FAM135B: variants seen among roughly 807,000 people sequenced by gnomAD.
The protein encoded by FAM135B is protein FAM135B.
Under a neutral mutation model 127.7 loss-of-function variants are expected in FAM135B, and 43 were observed. The observed-to-expected ratio is 0.34, with a 90% CI of 0.26 to 0.43. FAM135B has a LOEUF of 0.43. FAM135B is among the 20% of genes least tolerant of loss of function. FAM135B has a pLI of 1.00. For synonymous variants in FAM135B, 670 were observed against 665.1 expected, an observed-to-expected ratio of 1.01 and a Z score of -0.11; for missense variants, 1,558 against 1,725.6, an observed-to-expected ratio of 0.90 and a Z score of 1.72.
rs553901929 is a variant in FAM135B, at chr8:138,188,431, C to T, written c.873+6827G>A. On this transcript the variant is annotated intron_variant, in intron 9 of 19. Coordinates refer to ENST00000395297, the MANE Select transcript of FAM135B (RefSeq NM_015912.4). ...AGACAGGATTGAGTTTGAATTGGAT[C>T]ACTGGACATCCAGCTCATGTCAGAG... Among the ~76,000 whole-genome samples the T allele has an allele frequency of 1.5e-4, 23 of 152,290 alleles. 1 individual carries two copies. The highest frequency in any genetic ancestry group is 5.5e-4 in the African/African-American group (23 of 41,552).
chr8:138,142,134 C>T (rs1202791435), intron 16 of FAM135B, among the ~76,000 whole-genome samples: 2 of 151,880 alleles, frequency 1.3e-5, no homozygotes, highest in African/African-American at 4.8e-5. Context: ...TAATGTATAT[C>T]AAGGGATTAG....
At chr8:138,344,831 TC>T (rs1201751872) in intron 2 of FAM135B, among the ~76,000 whole-genome samples, 2 of 152,164 alleles carry the variant, frequency 1.3e-5, no homozygotes, top group Non-Finnish European at 2.9e-5. Flanking sequence ...TGCCTCGGAC[TC>T]CCAAAGTGCT....
At chr8:138,220,564 T>A (rs1014485245) in intron 7 of FAM135B, among the ~76,000 whole-genome samples, 3 of 152,112 alleles carry the variant, frequency 2.0e-5, no homozygotes, top group Non-Finnish European at 4.4e-5. Context: ...TTCATTTAAA[T>A]GAGTAAATAA....
chr8:138,342,563 GGA>G (rs1295525488), intron 2 of FAM135B, among the ~76,000 whole-genome samples: 1 of 152,142 alleles, frequency 6.6e-6, no homozygotes, highest in East Asian at 1.9e-4. Flanking sequence ...TAGACCCCTG[GGA>G]GAGAGGAGGA....
chr8:138,327,003 A>C (rs1173854513), intron 2 of FAM135B, among the ~76,000 whole-genome samples: 1 of 152,250 alleles, frequency 6.6e-6, no homozygotes, highest in Non-Finnish European at 1.5e-5. Flanking sequence ...GCTAGATCTC[A>C]TGACTGCTAA....
chr8:138,345,757 C>T (rs757480322), intron 2 of FAM135B, among the ~76,000 whole-genome samples: 4 of 152,196 alleles, frequency 2.6e-5, no homozygotes, highest in African/African-American at 4.8e-5. Flanking sequence ...TTCCTGAATT[C>T]GCCAAAGGAA....
chr8:138,140,532 T>A (rs1334574998), intron 17 of FAM135B, among the ~76,000 whole-genome samples: 2 of 152,206 alleles, frequency 1.3e-5, no homozygotes, highest in Non-Finnish European at 2.9e-5. Flanking sequence ...AAGTCTAACA[T>A]ATTCTGGAGT....
intron 1 of FAM135B, among the ~76,000 whole-genome samples, chr8:138,384,036 C>A (rs1177851444): frequency 1.3e-5 from 2 of 152,232 alleles, no homozygotes; most frequent in Non-Finnish European, 2.9e-5. Context: ...ATTGTCTATA[C>A]AGCCAATGTG....
intron 11 of FAM135B, among the ~76,000 whole-genome samples, chr8:138,175,360 T>C (rs1814355147): frequency 6.6e-6 from 1 of 151,846 alleles, no homozygotes; most frequent in South Asian, 2.1e-4. Context: ...TATCAGAATC[T>C]TTATGACAAC....
chr8:138,166,525 G>A (rs1819941387), intron 12 of FAM135B, among the ~76,000 whole-genome samples: 1 of 152,158 alleles, frequency 6.6e-6, no homozygotes, highest in Admixed American at 6.5e-5. Context: ...TCAGTAGGTT[G>A]CTGGAAACAC....
At chr8:138,197,324 T>C (rs1008313132) in intron 8 of FAM135B, among the ~76,000 whole-genome samples, 192 bp downstream of exon 8, 1 of 152,184 alleles carries the variant, frequency 6.6e-6, no homozygotes, top group Non-Finnish European at 1.5e-5. Context: ...TTGAGGAACA[T>C]GTGTCTTCTC....
intron 1 of FAM135B, chr8:138,477,511 G>A (rs1380001742): frequency 6.6e-6 from 1 of 152,138 alleles, no homozygotes; most frequent in African/African-American, 2.4e-5. Flanking sequence ...TGAGCTGCTT[G>A]ATCGTCATGG....
chr8:138,203,421 T>C (rs550671818), intron 7 of FAM135B, among the ~76,000 whole-genome samples: 5 of 152,212 alleles, frequency 3.3e-5, no homozygotes, highest in African/African-American at 7.2e-5. Flanking sequence ...CAGAACGTCT[T>C]GATGGTTCTA....
chr8:138,351,447 C>T (rs1829776882), intron 2 of FAM135B, among the ~76,000 whole-genome samples: 1 of 152,020 alleles, frequency 6.6e-6, no homozygotes, highest in Admixed American at 6.6e-5. Flanking sequence ...CACTGAAAAG[C>T]CAAGGCACAT....
chr8:138,411,013 T>C (rs1481252592), intron 1 of FAM135B, among the ~76,000 whole-genome samples: 1 of 131,392 alleles, frequency 7.6e-6, no homozygotes, highest in East Asian at 2.1e-4. Context: ...TGGAAGAACA[T>C]TCCATGCTCA....
chr8:138,406,927 A>G (rs1366680055), intron 1 of FAM135B, among the ~76,000 whole-genome samples: 1 of 151,562 alleles, frequency 6.6e-6, no homozygotes, highest in Non-Finnish European at 1.5e-5. Context: ...AGGCAGAAGG[A>G]AATAAAGGGT....
chr8:138,141,088 G>A lies in FAM135B; in HGVS notation c.3790+110C>T, dbSNP rs1817099645. 9.2e-7 allele frequency: 1 copy of A among 1,082,406 alleles called. No individual in the cohort carries two copies. Among genetic ancestry groups the A allele is most frequent in the East Asian group, 2.5e-5 (1 of 39,342 alleles). The allele number at this position is 1,082,406 out of a possible 1,614,324, so 67.1% of individuals were successfully genotyped here. On this transcript the variant is annotated intron_variant, in intron 17 of 19. Coordinates refer to ENST00000395297, the MANE Select transcript of FAM135B (RefSeq NM_015912.4). This position sits in a 1 kb window ranked among gnomAD's most constrained non-coding sequence, Gnocchi z 4.7. Reference sequence around the variant, plus strand: ...GACTCCTCCCTCCATGCCATGCTTGGAAAAGACTGCACAGTCACAGGGTTC... The same window carrying A: ...GACTCCTCCCTCCATGCCATGCTTGAAAAAGACTGCACAGTCACAGGGTTC...
chr8:138,211,330 TTAC>T (rs944075927), intron 7 of FAM135B, among the ~76,000 whole-genome samples: 8 of 152,354 alleles, frequency 5.3e-5, no homozygotes, highest in African/African-American at 1.9e-4. Context: ...AGGGTTTGTA[TTAC>T]TACTAGTCCC....
At chr8:138,396,291 G>T (rs905949614) in intron 1 of FAM135B, among the ~76,000 whole-genome samples, 1 of 152,152 alleles carries the variant, frequency 6.6e-6, no homozygotes, top group African/African-American at 2.4e-5. Context: ...CGTGTGGCAG[G>T]CTGCATAGAC....
Sources: gnomAD v4.1 joint callset for allele counts (sites outside exome capture counted in the v4.1 genomes callset) on GRCh38, gnomAD v4.1.1 for gene constraint, Gnocchi (gnomAD v3.1) non-coding constraint, MANE v1.5 for transcripts, NCBI Gene and HGNC (gene_info 2026-07-23, HGNC 2026-07-21) for gene names.